PLD5: variants seen among roughly 807,000 people sequenced by gnomAD.
PLD5 encodes the protein inactive phospholipase D5.
A neutral mutation model predicts 61.1 loss-of-function variants in PLD5; 36 were observed. That is an observed-to-expected ratio of 0.59 (90% CI 0.45 to 0.78). The LOEUF is 0.78. PLD5 is among the 30% of genes least tolerant of loss of function. PLD5 has a pLI of 0.00. For missense variants in PLD5, 515 were observed against 644.4 expected, an observed-to-expected ratio of 0.80 and a Z score of 2.17; for synonymous variants, 243 against 242.8, an observed-to-expected ratio of 1.00 and a Z score of -0.01.
chr1:242,438,948 A>C (rs1000617208), intron 1 of PLD5, among the ~76,000 whole-genome samples: 1 of 133,356 alleles, frequency 7.5e-6, no homozygotes, highest in African/African-American at 2.6e-5. Context: ...CCAGCTTGTT[A>C]CTCTTATCAC....
At chr1:242,446,703 T>C (rs917614888) in intron 1 of PLD5, among the ~76,000 whole-genome samples, 7 of 152,190 alleles carry the variant, frequency 4.6e-5, no homozygotes, top group Non-Finnish European at 7.3e-5. Flanking sequence ...ACATAAGGTG[T>C]TCGTGAGCAA....
chr1:242,265,914 T>C lies in PLD5; in HGVS notation c.496-466A>G, dbSNP rs542285335. Reference sequence around the variant, plus strand: ...TTATATTTACTTCAAAAGGTTTTTGTGAGATTAAAGAAGTTAATAGTAAGC... The same window carrying C: ...TTATATTTACTTCAAAAGGTTTTTGCGAGATTAAAGAAGTTAATAGTAAGC... On this transcript the variant is annotated intron_variant, in intron 3 of 9. Coordinates refer to ENST00000536534, the MANE Select transcript of PLD5 (RefSeq NM_001372062.1). Among the ~76,000 whole-genome samples, 5 of 152,316 alleles carry C rather than the reference T, an allele frequency of 3.3e-5. No individual in the cohort carries two copies. In the East Asian group the frequency reaches 9.6e-4, roughly 29 times the overall value.
intron 1 of PLD5, among the ~76,000 whole-genome samples, chr1:242,353,592 A>C (rs895627682): frequency 1.3e-5 from 2 of 152,146 alleles, no homozygotes; most frequent in African/African-American, 4.8e-5. Flanking sequence ...GAATTGCAAT[A>C]AATCTGTAAA....
At chr1:242,247,672 GT>G (rs2149076038) in intron 4 of PLD5, among the ~76,000 whole-genome samples, 1 of 152,254 alleles carries the variant, frequency 6.6e-6, no homozygotes, top group South Asian at 2.1e-4. Context: ...AGTTTTTCAG[GT>G]TTTTTGGGGG....
chr1:242,191,233 A>T (rs757156071), intron 5 of PLD5, among the ~76,000 whole-genome samples: 36 of 150,492 alleles, frequency 2.4e-4, no homozygotes, highest in Admixed American at 2.0e-4. Flanking sequence ...ACATTGTGTT[A>T]TTTAGAAACT....
At chr1:242,344,073 G>A (rs1659992633) in intron 2 of PLD5, among the ~76,000 whole-genome samples, 1 of 152,172 alleles carries the variant, frequency 6.6e-6, no homozygotes, top group Admixed American at 6.5e-5. Context: ...GCTATCTCTA[G>A]TAACAATCCA....
intron 4 of PLD5, among the ~76,000 whole-genome samples, chr1:242,237,609 G>T (rs1462804700): frequency 6.6e-6 from 1 of 152,172 alleles, no homozygotes; most frequent in Non-Finnish European, 1.5e-5. Context: ...TAACAGCCAC[G>T]TGCCTAAAAG....
chr1:242,519,179 CACCCTGTGGGGTACAGTATTTTCATGGAT>C (rs1217546477), intron 1 of PLD5, among the ~76,000 whole-genome samples: 2 of 152,170 alleles, frequency 1.3e-5, no homozygotes, highest in African/African-American at 4.8e-5. Context: ...TTAACGGATC[CACCCTGTGGGGTACAGTATTTTCATGGAT>C]CTGCTCCGTG....
intron 9 of PLD5, among the ~76,000 whole-genome samples, chr1:242,096,738 ATTTT>A (rs536736680): frequency 2.4e-5 from 3 of 123,402 alleles, no homozygotes; most frequent in Non-Finnish European, 5.3e-5. Context: ...CTGGACTTTT[ATTTT>A]TTATTTTTAT....
At chr1:242,126,190 A>G (rs1286710508) in intron 5 of PLD5, among the ~76,000 whole-genome samples, 1 of 152,244 alleles carries the variant, frequency 6.6e-6, no homozygotes, top group Non-Finnish European at 1.5e-5. Flanking sequence ...AACACATCCC[A>G]TGCTCATGGA....
intron 1 of PLD5, among the ~76,000 whole-genome samples, chr1:242,382,135 A>AAAAAC (rs1553363301): frequency 6.6e-5 from 10 of 151,658 alleles, no homozygotes; most frequent in African/African-American, 2.4e-4. Flanking sequence ...CAGCAAAAAA[A>AAAAAC]AAAACAAAAC....
chr1:242,175,323 T>C (rs1259661356), intron 5 of PLD5, among the ~76,000 whole-genome samples: 3 of 152,096 alleles, frequency 2.0e-5, no homozygotes, highest in Non-Finnish European at 4.4e-5. Context: ...ATGTAATCCA[T>C]CACATAAACA....
In PLD5 at chr1:242,087,540, C is replaced by T. The variant is rs973917675; in HGVS notation, c.*2314G>A. 6.6e-6 allele frequency: 1 copy of T among 151,874 alleles called. No individual in the cohort carries two copies. The highest frequency in any genetic ancestry group is 1.5e-5 in the Non-Finnish European group (1 of 67,974). 9.4% of individuals were successfully genotyped at this position (151,874 alleles called of 1,614,324 possible). A position where few individuals can be genotyped will look rare whatever the true frequency, so the allele number is the denominator to read the frequency against. ...TGTCCTTTTTAAAACCAACTCAGGT[C>T]GCTTTTGTTTGTCTGAGTGTGAACT... On this transcript the variant is annotated 3_prime_UTR_variant, in exon 10 of 10. Coordinates refer to ENST00000536534, the MANE Select transcript of PLD5 (RefSeq NM_001372062.1).
At position 242,424,409 on chromosome 1, in the gene PLD5, C is replaced by T. The variant is rs1423230916; in HGVS notation, c.190-76167G>A. ...CAGATGATCCAAGTCCTTTATCTGCCCTTATTACACAGGAAATTTCAAAAT... is the reference window on the plus strand; with the variant it reads ...CAGATGATCCAAGTCCTTTATCTGCTCTTATTACACAGGAAATTTCAAAAT... On this transcript the variant is annotated intron_variant, in intron 1 of 9. Coordinates refer to ENST00000536534, the MANE Select transcript of PLD5 (RefSeq NM_001372062.1). Among the ~76,000 whole-genome samples, 3 of 152,086 alleles carry T rather than the reference C, an allele frequency of 2.0e-5. No homozygotes were observed. In the East Asian group the frequency reaches 5.8e-4, roughly 29 times the overall value.
intron 1 of PLD5, 48 bp downstream of exon 1, chr1:242,524,040 C>G: frequency 6.6e-7 from 1 of 1,507,884 alleles, no homozygotes; most frequent in Non-Finnish European, 8.8e-7. Context: ...GGGGAGGGTG[C>G]ATGCGGCAGG....
intron 1 of PLD5, among the ~76,000 whole-genome samples, chr1:242,442,635 A>G (rs944159520): frequency 1.3e-5 from 2 of 152,176 alleles, no homozygotes; most frequent in Non-Finnish European, 2.9e-5. Context: ...TGAGCTGTAC[A>G]TCTATGATTT....
chr1:242,371,771 G>C (rs1164284521), intron 1 of PLD5, among the ~76,000 whole-genome samples: 1 of 152,178 alleles, frequency 6.6e-6, no homozygotes, highest in Admixed American at 6.5e-5. Flanking sequence ...TGAGGCAATA[G>C]ATAATGAAAT....
intron 5 of PLD5, among the ~76,000 whole-genome samples, chr1:242,137,099 A>G (rs2840611): frequency 0.77 from 116,534 of 152,154 alleles, 44,703 homozygotes; most frequent in South Asian, 0.9. Flanking sequence ...GATAAGCTAC[A>G]AATCTGCCTT....
At chr1:242,452,522 C>T (rs886743947) in intron 1 of PLD5, among the ~76,000 whole-genome samples, 1 of 152,008 alleles carries the variant, frequency 6.6e-6, no homozygotes, top group Non-Finnish European at 1.5e-5. Context: ...CATTAAAAAA[C>T]GTGGACATCC....
Sources: allele counts gnomAD v4.1 joint callset (sites outside exome capture counted in the v4.1 genomes callset), GRCh38; gene constraint gnomAD v4.1.1; transcripts MANE v1.5; gene names NCBI Gene and HGNC (gene_info 2026-07-23, HGNC 2026-07-21).